The following DCTN4 variants were observed in gnomAD, a reference collection of about 807,000 sequenced individuals.
DCTN4 encodes dynactin subunit 4.
Under a neutral mutation model 62.7 loss-of-function variants are expected in DCTN4, and 23 were observed. The ratio of observed to expected loss-of-function variants is 0.37; its 90% CI spans 0.26 to 0.52. The LOEUF (loss-of-function observed/expected upper bound fraction) is 0.52, where lower values mean the gene tolerates loss of function less well. Ranked by LOEUF, DCTN4 falls within the 20% of genes least tolerant of loss-of-function variation. DCTN4 has a pLI of 0.92. For synonymous variants in DCTN4, 199 were observed against 202.1 expected, an observed-to-expected ratio of 0.98 and a Z score of 0.13; for missense variants, 514 against 580.4, an observed-to-expected ratio of 0.89 and a Z score of 1.18.
Position 150,719,745 on chromosome 5 carries a change from T to A in DCTN4, c.934A>T (p.Met312Leu). ...AVNYIPEVRI[M>L]SIPNLRYMKE... ...ATGTAGCGAAGGTTGGGAATTGACA[T>A]GATTCTCACTTCTGGAATATAATTG... Residue 312 changes from methionine to leucine, a missense_variant, in exon 10 of 13, where the codon ATG becomes TTG. Physicochemically the swap from Met to Leu is conservative, Grantham distance 15. Transcript: ENST00000447998. The A allele has an allele frequency of 1.2e-6, 2 of 1,610,878 alleles. No homozygotes were observed. Among genetic ancestry groups the A allele is most frequent in the South Asian group, 2.2e-5 (2 of 90,696 alleles).
At chr5:150,721,146 C>G (rs1186925937) in intron 9 of DCTN4, among the ~76,000 whole-genome samples, 5 of 152,190 alleles carry the variant, frequency 3.3e-5, no homozygotes, top group African/African-American at 1.2e-4. Flanking sequence ...GACCCTCTTC[C>G]TGGCCCTCCT....
intron 10 of DCTN4, among the ~76,000 whole-genome samples, chr5:150,719,142 C>T (rs1273784588): frequency 1.3e-5 from 2 of 152,138 alleles, no homozygotes; most frequent in East Asian, 3.9e-4. Flanking sequence ...TTTAAGACTT[C>T]TTGAACTGTG....
intron 8 of DCTN4, among the ~76,000 whole-genome samples, chr5:150,724,318 G>A (rs1038414585): frequency 1.1e-4 from 16 of 151,892 alleles, no homozygotes; most frequent in Non-Finnish European, 2.4e-4. Flanking sequence ...TTATTTCCTT[G>A]CCGATTTGCT....
At chr5:150,749,655 T>TA (rs1446209399) in intron 3 of DCTN4, among the ~76,000 whole-genome samples, 1 of 143,752 alleles carries the variant, frequency 7.0e-6, no homozygotes, top group Non-Finnish European at 1.5e-5. Context: ...ATCTCTACTT[T>TA]AAAAAATAAA....
At chr5:150,736,645 A>G (rs889998345) in intron 4 of DCTN4, among the ~76,000 whole-genome samples, 47 of 152,314 alleles carry the variant, frequency 3.1e-4, no homozygotes, top group African/African-American at 1.0e-3. Flanking sequence ...AAACACACCA[A>G]AATATAACCT....
At chr5:150,747,475 T>A (rs1752497499) in intron 3 of DCTN4, among the ~76,000 whole-genome samples, 1 of 152,234 alleles carries the variant, frequency 6.6e-6, no homozygotes, top group African/African-American at 2.4e-5. Flanking sequence ...AGAGCCCGCA[T>A]TGCCAAGTCA....
At chr5:150,740,261 G>A (rs896624916) in intron 4 of DCTN4, among the ~76,000 whole-genome samples, 7 of 151,738 alleles carry the variant, frequency 4.6e-5, no homozygotes, top group African/African-American at 1.7e-4. Context: ...AGTAGGCAGA[G>A]GACATGAATA....
chr5:150,748,252 A>C (rs1247705123), intron 3 of DCTN4, among the ~76,000 whole-genome samples: 1 of 149,428 alleles, frequency 6.7e-6, no homozygotes, highest in African/African-American at 2.5e-5. Flanking sequence ...ATCTCACACC[A>C]GTTAGAATGG....
At chr5:150,731,959 T>C (rs1760388498) in intron 5 of DCTN4, 1 of 1,524,334 alleles carries the variant, frequency 6.6e-7, no homozygotes, top group Non-Finnish European at 8.9e-7. Context: ...AAATGCAGCA[T>C]AAGATAGAAG....
chr5:150,731,704 A>C (rs553147388), intron 5 of DCTN4: 2 of 659,842 alleles, frequency 3.0e-6, no homozygotes, highest in African/African-American at 3.6e-5. Context: ...GATTGAAACT[A>C]TATTAATACA....
rs1175388445 is a variant in DCTN4, at chr5:150,755,595, C to T, written c.206+822G>A. The T allele has an allele frequency of 2.4e-5, 11 of 456,076 alleles. 1 individual carries two copies. Among genetic ancestry groups the T allele is most frequent in the African/African-American group, 4.0e-5 (2 of 50,068 alleles). 28.3% of individuals were successfully genotyped at this position (456,076 alleles called of 1,614,324 possible). A position where few individuals can be genotyped will look rare whatever the true frequency, so the allele number is the denominator to read the frequency against. On this transcript the variant is annotated intron_variant, in intron 2 of 12. Transcript: ENST00000447998. ...GATGAGAAAAAAACATCATGCAAAT[C>T]CTAATGAAATGACATTCTATAAAAT...
In DCTN4 at chr5:150,721,828, A is replaced by T. The variant is rs909125605; in HGVS notation, c.908+1079T>A. On this transcript the variant is annotated intron_variant, in intron 9 of 12. Coordinates refer to ENST00000447998, the MANE Select transcript of DCTN4 (RefSeq NM_016221.4). The stretch of plus-strand genomic sequence containing the variant: ...TTGTTGCTAATTTTGTCTTAAAAAA[A>T]TTTTTTTTTCCTTAGAGAGAGAGTC... Among the ~76,000 whole-genome samples, 54 of 151,786 alleles carry T rather than the reference A, an allele frequency of 3.6e-4. 1 individual carries two copies. Among genetic ancestry groups the T allele is most frequent in the South Asian group, 8.3e-4 (4 of 4,798 alleles).
At chr5:150,739,642 A>G (rs181455970) in intron 4 of DCTN4, among the ~76,000 whole-genome samples, 37 of 152,322 alleles carry the variant, frequency 2.4e-4, no homozygotes, top group Admixed American at 8.5e-4. Context: ...AGCAAAAAGA[A>G]CAACTCTGGA....
At chr5:150,715,073 C>G (rs113506758) in intron 12 of DCTN4, among the ~76,000 whole-genome samples, 2 of 148,940 alleles carry the variant, frequency 1.3e-5, no homozygotes, top group African/African-American at 5.0e-5. Context: ...ACTGAATTCT[C>G]TGATGGTCAC....
At chr5:150,724,974 G>A (rs1447169334) in intron 8 of DCTN4, among the ~76,000 whole-genome samples, 1 of 151,878 alleles carries the variant, frequency 6.6e-6, no homozygotes, top group Admixed American at 6.6e-5. Context: ...TGGCTAACAC[G>A]GTGAAACCCC....
At position 150,718,294 on chromosome 5, in the gene DCTN4, A is replaced by T; in HGVS notation, c.1053T>A (p.Asp351Glu). 6.2e-7 allele frequency: 1 copy of T among 1,613,670 alleles called. No homozygotes were observed. The change falls in exon 11 of 13, where the codon GAT becomes GAA. Residue 351 changes from aspartate (D) to glutamate (E), a missense_variant. By Grantham distance (45) the Asp-to-Glu change is conservative. Transcript: ENST00000447998. ...LFECEEGDPD[D>E]INSTAKVVVP... ...CTCCTACCTTAGCAGTGCTGTTGAT[A>T]TCATCAGGGTCCCCCTCCTCACACT...
In DCTN4 at chr5:150,714,274, C is replaced by T. The variant is rs753060929; in HGVS notation, c.1169+1291G>A. On this transcript the variant is annotated intron_variant, in intron 12 of 12. Transcript: ENST00000447998. ...GCTCTTTGTCAGGTTCTGTCAGCAG[C>T]GGGCTCTAAAGGGAGACTAGAAGTC... Among the ~76,000 whole-genome samples, 6 of 152,112 alleles carry T rather than the reference C, an allele frequency of 3.9e-5. No homozygotes were observed. In the East Asian group the frequency reaches 7.7e-4, roughly 20 times the overall value.
intron 12 of DCTN4, among the ~76,000 whole-genome samples, chr5:150,714,055 T>C (rs1759668453): frequency 6.6e-6 from 1 of 152,100 alleles, no homozygotes; most frequent in African/African-American, 2.4e-5. Flanking sequence ...AGGTGGAGGT[T>C]GCAGTGAGCA....
chr5:150,733,306 G>T, intron 5 of DCTN4, 62 bp downstream of exon 5: 2 of 1,210,790 alleles, frequency 1.7e-6, no homozygotes, highest in Non-Finnish European at 2.4e-6. Context: ...GCCATTTTCT[G>T]AAATGATCAC....
Sources: gnomAD v4.1 joint callset for allele counts (sites outside exome capture counted in the v4.1 genomes callset) on GRCh38, gnomAD v4.1.1 for gene constraint, MANE v1.5 for transcripts, NCBI Gene and HGNC (gene_info 2026-07-23, HGNC 2026-07-21) for gene names.